MKLN1: variants seen among roughly 807,000 people sequenced by gnomAD.
MKLN1 encodes the protein muskelin.
Under a neutral mutation model 99.0 loss-of-function variants are expected in MKLN1, and 18 were observed. The observed-to-expected ratio is 0.18, with a 90% CI of 0.13 to 0.27. MKLN1 has a LOEUF of 0.27. Among genes scored for constraint, MKLN1 ranks in the 10% least tolerant of loss-of-function variants. The pLI is 1.00. For missense variants in MKLN1, 621 were observed against 875.9 expected, an observed-to-expected ratio of 0.71 and a Z score of 3.67; for synonymous variants, 288 against 293.2, an observed-to-expected ratio of 0.98 and a Z score of 0.18.
chr7:131,349,481 G>A (rs554959696), intron 1 of MKLN1, among the ~76,000 whole-genome samples: 10 of 152,224 alleles, frequency 6.6e-5, no homozygotes, highest in Admixed American at 5.9e-4. Flanking sequence ...GGCATGAGCC[G>A]CCGCACCCGG....
intron 5 of MKLN1, among the ~76,000 whole-genome samples, chr7:131,398,891 A>C (rs920506454): frequency 2.0e-5 from 3 of 152,178 alleles, no homozygotes; most frequent in Non-Finnish European, 4.4e-5. Flanking sequence ...CCTGCATTGT[A>C]ATGGGATTAA....
chr7:131,419,217 C>CAT (rs906119455), intron 8 of MKLN1, among the ~76,000 whole-genome samples: 3 of 139,308 alleles, frequency 2.2e-5, no homozygotes, highest in Admixed American at 7.2e-5. Flanking sequence ...AGATTCATTA[C>CAT]ATATATATAT....
At chr7:131,447,205 G>A (rs1217217992) in intron 12 of MKLN1, among the ~76,000 whole-genome samples, 1 of 152,108 alleles carries the variant, frequency 6.6e-6, no homozygotes, top group Non-Finnish European at 1.5e-5. Flanking sequence ...ATTACAACAG[G>A]AAATTAGTAG....
chr7:131,114,827 C>G (rs1795250273), intron 1 of MKLN1, among the ~76,000 whole-genome samples: 1 of 151,934 alleles, frequency 6.6e-6, no homozygotes, highest in African/African-American at 2.4e-5. Flanking sequence ...GTCCCAGCTA[C>G]TCAGGAGCTG....
intron 9 of MKLN1, 75 bp from the exon 10 acceptor site, chr7:131,437,710 T>G: frequency 8.6e-7 from 1 of 1,163,450 alleles, no homozygotes; most frequent in Non-Finnish European, 1.2e-6. Context: ...GACGTTTAAT[T>G]TTTCTATTAT....
chr7:131,352,182 G>A (rs1210424151), intron 1 of MKLN1, among the ~76,000 whole-genome samples: 1 of 152,162 alleles, frequency 6.6e-6, no homozygotes, highest in Non-Finnish European at 1.5e-5. Context: ...GACTTCAGTA[G>A]TCATTATTTG....
At chr7:131,275,569 T>C (rs56082612) in intron 3 of MKLN1, among the ~76,000 whole-genome samples, 1 of 49,860 alleles carries the variant, frequency 2.0e-5, no homozygotes, top group Non-Finnish European at 3.4e-5. Context: ...ATATATATAT[T>C]TTTTTTTTTT....
intron 3 of MKLN1, among the ~76,000 whole-genome samples, chr7:131,252,636 T>C (rs1357008003): frequency 1.3e-5 from 2 of 152,280 alleles, no homozygotes; most frequent in African/African-American, 2.4e-5. Flanking sequence ...GCAAGATGAA[T>C]ATTTTAACAC....
rs1175317368 is a variant in MKLN1 at position 131,487,476 on chromosome 7, C to G, written c.2087-131C>G. ...CCAGGTAGTAGAACTGGGGTCAGAT[C>G]AGTAGTGTCTGCCTGGTTTTGAAGC... On this transcript the variant is annotated intron_variant, in intron 17 of 17. Transcript: ENST00000352689. The surrounding 1 kb of genome is among the most constrained non-coding windows in gnomAD (Gnocchi z 4.7). The G allele has an allele frequency of 2.1e-6, 2 of 944,782 alleles. No homozygotes were observed. The highest frequency in any genetic ancestry group is 3.1e-6 in the Non-Finnish European group (2 of 640,392). The allele number at this position is 944,782 out of a possible 1,614,324, so 58.5% of individuals were successfully genotyped here.
intron 3 of MKLN1, among the ~76,000 whole-genome samples, chr7:131,242,147 A>C (rs902653381): frequency 6.6e-6 from 1 of 152,244 alleles, no homozygotes; most frequent in Non-Finnish European, 1.5e-5. Flanking sequence ...GGCCAAGGCT[A>C]AGATGACCAC....
At chr7:131,134,351 CT>C (rs534394167) in intron 1 of MKLN1, among the ~76,000 whole-genome samples, 1 of 152,130 alleles carries the variant, frequency 6.6e-6, no homozygotes, top group East Asian at 1.9e-4. Context: ...CTGCCTCAGG[CT>C]TTTTTTCAGT....
chr7:131,264,097 T>A (rs936447064), intron 3 of MKLN1, among the ~76,000 whole-genome samples: 11 of 152,274 alleles, frequency 7.2e-5, no homozygotes, highest in African/African-American at 2.6e-4. Flanking sequence ...CAGAGACTGT[T>A]CTTTCTCTGG....
intron 2 of MKLN1, among the ~76,000 whole-genome samples, chr7:131,383,279 T>A (rs1007732532): frequency 6.6e-6 from 1 of 152,200 alleles, no homozygotes; most frequent in African/African-American, 2.4e-5. Flanking sequence ...GTGATTTTCT[T>A]TGACCAACAG....
intron 3 of MKLN1, among the ~76,000 whole-genome samples, chr7:131,203,383 C>T (rs1796759224): frequency 6.6e-6 from 1 of 151,944 alleles, no homozygotes; most frequent in Non-Finnish European, 1.5e-5. Context: ...CTGGAAATTG[C>T]CAGAGGATTT....
chr7:131,152,501 C>CTTTTTTT, intron 2 of MKLN1, among the ~76,000 whole-genome samples: 1 of 126,268 alleles, frequency 7.9e-6, no homozygotes, highest in Non-Finnish European at 1.7e-5. Context: ...TTCTTTTTTT[C>CTTTTTTT]TTTTTTTTTT....
intron 1 of MKLN1, among the ~76,000 whole-genome samples, chr7:131,331,387 A>G (rs1280221595): frequency 1.3e-5 from 2 of 152,252 alleles, no homozygotes; most frequent in African/African-American, 4.8e-5. Context: ...TTGATATAAT[A>G]GTCTTCACAA....
intron 2 of MKLN1, among the ~76,000 whole-genome samples, chr7:131,146,649 G>T (rs1263719092): frequency 6.6e-6 from 1 of 152,068 alleles, no homozygotes; most frequent in Non-Finnish European, 1.5e-5. Context: ...AACATTGGCG[G>T]GATCTGAAAT....
At chr7:131,445,179 A>T (rs1300268838) in intron 11 of MKLN1, among the ~76,000 whole-genome samples, 1 of 152,156 alleles carries the variant, frequency 6.6e-6, no homozygotes, top group Admixed American at 6.5e-5. Context: ...ATCTTTATAT[A>T]CAGATAGGTT....
chr7:131,298,206 G>A (rs1389573070), intron 3 of MKLN1, among the ~76,000 whole-genome samples: 1 of 152,086 alleles, frequency 6.6e-6, no homozygotes, highest in Non-Finnish European at 1.5e-5. Flanking sequence ...AGGAGGTGGA[G>A]CTTGCAGTGA....
Sources: gnomAD v4.1 joint callset for allele counts (sites outside exome capture counted in the v4.1 genomes callset) on GRCh38, gnomAD v4.1.1 for gene constraint, Gnocchi (gnomAD v3.1) non-coding constraint, MANE v1.5 for transcripts, NCBI Gene and HGNC (gene_info 2026-07-23, HGNC 2026-07-21) for gene names.